POLR1D: variants seen among roughly 807,000 people sequenced by gnomAD.
The protein encoded by POLR1D is DNA-directed RNA polymerases I and III subunit RPAC2.
Under a neutral mutation model 10.8 loss-of-function variants are expected in POLR1D, and 8 were observed. The observed-to-expected ratio is 0.74, with a 90% CI of 0.43 to 1.33. POLR1D has a LOEUF of 1.33. Among genes scored for constraint, POLR1D ranks in the 40% most tolerant of loss-of-function variants. POLR1D has a pLI of 0.01. For missense variants in POLR1D, 152 were observed against 161.7 expected (o/e 0.94, Z 0.32); for synonymous variants, 54 against 57.2 (o/e 0.94, Z 0.25).
intron 1 of POLR1D, chr13:27,648,110 C>T (rs1956236259): frequency 3.5e-6 from 1 of 287,818 alleles, no homozygotes; most frequent in East Asian, 7.9e-5. Context: ...AAAGATAATT[C>T]TTATATTAAG....
intron 1 of POLR1D, among the ~76,000 whole-genome samples, chr13:27,641,174 T>C (rs1009640665): frequency 1.3e-5 from 2 of 152,238 alleles, no homozygotes; most frequent in African/African-American, 4.8e-5. Flanking sequence ...TACAAATGCC[T>C]GGAACCATAC....
intron 1 of POLR1D, among the ~76,000 whole-genome samples, chr13:27,637,295 T>A (rs1956133615): frequency 6.6e-6 from 1 of 152,208 alleles, no homozygotes; most frequent in Non-Finnish European, 1.5e-5. Flanking sequence ...CTTCCTTCCT[T>A]TCAGTTAATC....
chr13:27,624,184 C>T (rs1170082323), downstream of POLR1D, among the ~76,000 whole-genome samples: 14 of 152,318 alleles, frequency 9.2e-5, no homozygotes, highest in East Asian at 1.9e-4. Flanking sequence ...TAAGTCAAAG[C>T]TTATGTGTCA....
intron 1 of POLR1D, among the ~76,000 whole-genome samples, chr13:27,642,575 T>G (rs1956184625): frequency 6.6e-6 from 1 of 152,172 alleles, no homozygotes; most frequent in South Asian, 2.1e-4. Flanking sequence ...TTTTTATTTT[T>G]AAAACCTTGC....
At chr13:27,637,206 G>T (rs144500937) in intron 1 of POLR1D, among the ~76,000 whole-genome samples, 1 of 152,130 alleles carries the variant, frequency 6.6e-6, no homozygotes, top group Non-Finnish European at 1.5e-5. Flanking sequence ...AAAGGTAAAG[G>T]TTGGATTAAT....
intron 1 of POLR1D, among the ~76,000 whole-genome samples, chr13:27,640,305 C>T (rs1435645818): frequency 6.6e-6 from 1 of 152,090 alleles, no homozygotes; most frequent in Non-Finnish European, 1.5e-5. Context: ...CCAGGAAACA[C>T]CCTACTCATG....
In POLR1D at chr13:27,635,362, G is replaced by A. The variant is rs1956112928; in HGVS notation, c.27-13017G>A. Among the ~76,000 whole-genome samples the A allele has an allele frequency of 2.0e-5, 3 of 152,156 alleles. No homozygotes were observed. The South Asian group carries it at 6.2e-4, about 32-fold the overall frequency. On this transcript the variant is annotated intron_variant, in intron 1 of 2. Coordinates refer to the POLR1D transcript ENST00000399697. ...TTTATTCACGGATTGAATGAAATAA[G>A]GGTATGTGTTATTTGACAGGACTCT...
chr13:27,665,198 A>AT (rs1435147506), intron 2 of POLR1D: 2 of 156,088 alleles, frequency 1.3e-5, no homozygotes, highest in East Asian at 1.9e-4. Context: ...TCTTTACACA[A>AT]TTTTTTTATT....
chr13:27,640,887 A>G (rs1050165038), intron 1 of POLR1D, among the ~76,000 whole-genome samples: 4 of 152,188 alleles, frequency 2.6e-5, no homozygotes, highest in African/African-American at 4.8e-5. Flanking sequence ...CTCTTCCTGT[A>G]TACTTTAAAT....
intron 2 of POLR1D, among the ~76,000 whole-genome samples, chr13:27,654,304 T>C (rs1345830911): frequency 6.6e-6 from 1 of 152,244 alleles, no homozygotes. Flanking sequence ...TTCTTGATTT[T>C]GTAACATCAT....
chr13:27,648,212 C>T, intron 1 of POLR1D: 1 of 534,114 alleles, frequency 1.9e-6, no homozygotes, highest in Non-Finnish European at 3.4e-6. Flanking sequence ...TTAATAGTTT[C>T]TTTTTAATTT....
downstream of POLR1D, among the ~76,000 whole-genome samples, chr13:27,626,360 A>C (rs1956009860): frequency 6.6e-6 from 1 of 152,228 alleles, no homozygotes; most frequent in South Asian, 2.1e-4. Flanking sequence ...TGCACCTAAA[A>C]GAATTTAGAC....
intron 2 of POLR1D, among the ~76,000 whole-genome samples, chr13:27,648,868 A>G (rs1048997862): frequency 3.3e-5 from 5 of 152,228 alleles, no homozygotes; most frequent in Non-Finnish European, 2.9e-5. Context: ...TTATGTGACA[A>G]TTCAGCCATG....
chr13:27,629,878 T>G (rs1229574259), intron 1 of POLR1D, among the ~76,000 whole-genome samples: 1 of 152,182 alleles, frequency 6.6e-6, no homozygotes, highest in Non-Finnish European at 1.5e-5. Context: ...GTCAGTTGAT[T>G]GTAAAAACTG....
chr13:27,624,188 T>A (rs1955984353), downstream of POLR1D, among the ~76,000 whole-genome samples: 2 of 152,258 alleles, frequency 1.3e-5, no homozygotes, highest in African/African-American at 4.8e-5. Flanking sequence ...TCAAAGCTTA[T>A]GTGTCAGGCC....
At chr13:27,635,696 CTATATATATATATA>C (rs3081355) in intron 1 of POLR1D, among the ~76,000 whole-genome samples, 32 of 140,562 alleles carry the variant, frequency 2.3e-4, no homozygotes, top group Admixed American at 1.3e-3. Context: ...TACAAAGTAA[CTATATATATATATA>C]TATATATATA....
intron 1 of POLR1D, among the ~76,000 whole-genome samples, chr13:27,640,013 C>T (rs2138544362): frequency 6.6e-6 from 1 of 152,188 alleles, no homozygotes; most frequent in South Asian, 2.1e-4. Context: ...GCTGTTGTGG[C>T]CTTAGGTAAG....
intron 1 of POLR1D, among the ~76,000 whole-genome samples, chr13:27,644,035 A>T (rs1330852612): frequency 6.6e-6 from 1 of 152,164 alleles, no homozygotes; most frequent in Admixed American, 6.5e-5. Context: ...ACTGAGAGAG[A>T]CACAAATGAG....
At chr13:27,648,653 G>A (rs747223385) in intron 2 of POLR1D, among the ~76,000 whole-genome samples, 20 of 152,198 alleles carry the variant, frequency 1.3e-4, no homozygotes, top group Non-Finnish European at 2.6e-4. Context: ...GGCAGCAGGC[G>A]CCTATGGAGG....
Sources: allele counts gnomAD v4.1 joint callset (sites outside exome capture counted in the v4.1 genomes callset), GRCh38; gene constraint gnomAD v4.1.1; transcripts MANE v1.5; gene names NCBI Gene and HGNC (gene_info 2026-07-23, HGNC 2026-07-21).